Variants in CENPU observed in about 807,000 individuals in gnomAD.
CENPU encodes centromere protein U.
In CENPU, 46 loss-of-function variants were observed where a neutral mutation model predicts 56.7. The ratio of observed to expected loss-of-function variants is 0.81; its 90% CI spans 0.64 to 1.04. The LOEUF (loss-of-function observed/expected upper bound fraction) is 1.04, where lower values mean the gene tolerates loss of function less well. Ranked by LOEUF, CENPU falls within the 50% of genes least tolerant of loss-of-function variation. The pLI, the probability that CENPU is intolerant of heterozygous loss-of-function variation, is 0.00. For missense variants in CENPU, 510 were observed against 490.1 expected (o/e 1.04, Z -0.38); for synonymous variants, 166 against 163.0 (o/e 1.02, Z -0.14).
At chr4:184,713,562 G>T (rs1442583964) in intron 6 of CENPU, among the ~76,000 whole-genome samples, 1 of 152,150 alleles carries the variant, frequency 6.6e-6, no homozygotes, top group Non-Finnish European at 1.5e-5. Context: ...TGGAAAAGCT[G>T]AACTTTTATT....
At chr4:184,731,343 A>T (rs953421392) in intron 1 of CENPU, among the ~76,000 whole-genome samples, 1 of 152,218 alleles carries the variant, frequency 6.6e-6, no homozygotes, top group African/African-American at 2.4e-5. Flanking sequence ...CCTATAAGGT[A>T]GAAGTGAATC....
At chr4:184,715,397 C>A (rs1761055875) in intron 6 of CENPU, among the ~76,000 whole-genome samples, 1 of 151,996 alleles carries the variant, frequency 6.6e-6, no homozygotes. Flanking sequence ...CTCCAACCTC[C>A]ACCTCCCGGG....
At chr4:184,731,905 G>GTGTGTGTGTGTGTGTGTC (rs1554013233) in intron 1 of CENPU, among the ~76,000 whole-genome samples, 2 of 147,892 alleles carry the variant, frequency 1.4e-5, no homozygotes, top group Non-Finnish European at 2.9e-5. Flanking sequence ...GTGTGTGTGT[G>GTGTGTGTGTGTGTGTGTC]TGTGTCTGGA....
At chr4:184,700,170 G>A (rs1255352284) in intron 11 of CENPU, among the ~76,000 whole-genome samples, 1 of 152,038 alleles carries the variant, frequency 6.6e-6, no homozygotes, top group African/African-American at 2.4e-5. Flanking sequence ...CAGCTGATGT[G>A]CACTCCAGTC....
chr4:184,719,219 GT>G (rs1761192822), intron 4 of CENPU, among the ~76,000 whole-genome samples: 1 of 152,190 alleles, frequency 6.6e-6, no homozygotes, highest in South Asian at 2.1e-4. Context: ...ACAGTGCCTG[GT>G]TTTGACTTCC....
intron 4 of CENPU, 81 bp downstream of exon 4, chr4:184,724,872 TTTTG>T (rs1308166983): frequency 1.1e-6 from 1 of 876,152 alleles, no homozygotes; most frequent in East Asian, 2.5e-5. Context: ...CTTGAAATGC[TTTTG>T]TTTTATTAGC....
rs1163682851 is a variant in CENPU at position 184,716,381 on chromosome 4, T to C, written c.618+16A>G. On this transcript the variant is annotated intron_variant, in intron 6 of 12. Transcript: ENST00000281453. The stretch of plus-strand genomic sequence containing the variant: ...AAACTTTTTTTGCCCTCCTAGGGGA[T>C]GGCAGACGTTCTTACCGATTGACTT... The C allele has an allele frequency of 1.3e-6, 2 of 1,580,372 alleles. No homozygotes were observed. Among genetic ancestry groups the C allele is most frequent in the South Asian group, 1.1e-5 (1 of 89,046 alleles).
intron 8 of CENPU, among the ~76,000 whole-genome samples, chr4:184,705,783 A>C (rs1024627487): frequency 5.9e-5 from 9 of 152,242 alleles, no homozygotes; most frequent in Non-Finnish European, 1.2e-4. Flanking sequence ...AGCCTTAACA[A>C]AGAAGGAAAT....
chr4:184,732,871 G>A (rs28376587), intron 1 of CENPU, among the ~76,000 whole-genome samples: 13 of 152,010 alleles, frequency 8.6e-5, no homozygotes, highest in African/African-American at 3.1e-4. Flanking sequence ...ACGTGGGGGC[G>A]AGCGCCTGTA....
chr4:184,726,205 A>T (rs1761446170), intron 3 of CENPU, among the ~76,000 whole-genome samples: 1 of 152,256 alleles, frequency 6.6e-6, no homozygotes, highest in African/African-American at 2.4e-5. Context: ...GAAAAAAGAA[A>T]TAGAACAATC....
In CENPU at chr4:184,725,000, G is replaced by T. The variant is rs1208884531; in HGVS notation, c.277C>A (p.Leu93Met). The change falls in exon 4 of 13, where the codon CTG becomes ATG. Residue 93 changes from leucine (L) to methionine (M), a missense_variant. By Grantham distance (15) the Leu-to-Met change is conservative. Coordinates refer to ENST00000281453, the MANE Select transcript of CENPU (RefSeq NM_024629.4). ...CCTGGAGGAGTTGAAGAGAGAGACA[G>T]TCCACAATGTTTGGAGAATTCTTCT... ...DEEEFSKHCG[L>M]SLSSTPPGKE... 1 of 1,613,158 alleles carries T rather than the reference G, an allele frequency of 6.2e-7. No individual in the cohort carries two copies. Among genetic ancestry groups the T allele is most frequent in the African/African-American group, 1.3e-5 (1 of 74,910 alleles).
intron 6 of CENPU, chr4:184,714,075 G>C (rs138788375): frequency 1.3e-5 from 2 of 152,192 alleles, no homozygotes; most frequent in Non-Finnish European, 2.9e-5. Flanking sequence ...GACAACTCAC[G>C]GCTCATCAGA....
chr4:184,708,549 C>G (rs1760809136), intron 8 of CENPU, among the ~76,000 whole-genome samples: 1 of 151,712 alleles, frequency 6.6e-6, no homozygotes, highest in African/African-American at 2.4e-5. Flanking sequence ...AAAAAAATAA[C>G]AGTTTAGAGA....
intron 4 of CENPU, among the ~76,000 whole-genome samples, chr4:184,722,352 A>T (rs1761309628): frequency 6.6e-6 from 1 of 152,166 alleles, no homozygotes; most frequent in Non-Finnish European, 1.5e-5. Flanking sequence ...AACAAACCAA[A>T]TCCAAAACTA....
intron 1 of CENPU, 146 bp from the exon 2 acceptor site, chr4:184,731,114 C>T (rs1042359613): frequency 6.6e-5 from 41 of 620,796 alleles, no homozygotes; most frequent in African/African-American, 6.3e-4. Flanking sequence ...AGGTCAAATC[C>T]TATCACCAAT....
chr4:184,717,806 G>A (rs945173156), intron 4 of CENPU, among the ~76,000 whole-genome samples: 4 of 152,052 alleles, frequency 2.6e-5, no homozygotes, highest in Admixed American at 6.5e-5. Flanking sequence ...ACACAGCTGG[G>A]GTATTAGGAA....
At chr4:184,698,091 G>A (rs1221932589) in intron 11 of CENPU, 3 of 284,444 alleles carry the variant, frequency 1.1e-5, no homozygotes, top group South Asian at 1.1e-4. Flanking sequence ...GGAACTACTG[G>A]ATCAAATGTA....
chr4:184,704,445 G>A lies in CENPU; in HGVS notation c.798-2004C>T, dbSNP rs79447014. On this transcript the variant is annotated intron_variant, in intron 8 of 12. Transcript: ENST00000281453. ...AATAGGCAACACATCATATAGCCGC[G>A]GCATGTACTAGGCTTACACCTAAGC... is the stretch of plus-strand genomic sequence containing the variant. Among the ~76,000 whole-genome samples the A allele has an allele frequency of 9.8e-3, 1,484 of 151,996 alleles. 27 individuals are homozygous for A. The highest frequency in any genetic ancestry group is 0.034 in the African/African-American group (1,398 of 41,416).
At chr4:184,718,948 A>G (rs1761184737) in intron 4 of CENPU, among the ~76,000 whole-genome samples, 3 of 152,212 alleles carry the variant, frequency 2.0e-5, no homozygotes, top group African/African-American at 4.8e-5. Flanking sequence ...AGGGCTGGAC[A>G]AGAAACTTGA....
Sources: allele counts gnomAD v4.1 joint callset (sites outside exome capture counted in the v4.1 genomes callset), GRCh38; gene constraint gnomAD v4.1.1; transcripts MANE v1.5; gene names NCBI Gene and HGNC (gene_info 2026-07-23, HGNC 2026-07-21).